The following OTOGL variants were observed in gnomAD, a reference collection of about 807,000 sequenced individuals.
OTOGL encodes the protein otogelin like.
OTOGL carries 285 observed loss-of-function variants against 318.5 expected under a neutral mutation model. The observed-to-expected ratio is 0.89, with a 90% confidence interval of 0.81 to 0.99. OTOGL has a LOEUF of 0.99. Among genes scored for constraint, OTOGL ranks in the 50% least tolerant of loss-of-function variants. The pLI, the probability that OTOGL is intolerant of heterozygous loss-of-function variation, is 0.00. For missense variants in OTOGL, 2,899 were observed against 2,845.6 expected, an observed-to-expected ratio of 1.02 and a Z score of -0.43; for synonymous variants, 987 against 936.5, an observed-to-expected ratio of 1.05 and a Z score of -0.99.
At chr12:80,300,610 C>T (rs1031474171) in intron 27 of OTOGL, among the ~76,000 whole-genome samples, 7 of 152,076 alleles carry the variant, frequency 4.6e-5, no homozygotes, top group African/African-American at 9.7e-5. Context: ...AGCAAGGAAC[C>T]GTCCTTGCTC....
intron 1 of OTOGL, among the ~76,000 whole-genome samples, chr12:80,134,734 C>T (rs1298768629): frequency 2.0e-5 from 3 of 152,182 alleles, no homozygotes; most frequent in Non-Finnish European, 4.4e-5. Flanking sequence ...ATCTTCACTG[C>T]TATCTGCCTT....
Position 80,280,664 on chromosome 12 carries a change from C to G in OTOGL, c.2928+1498C>G, listed in dbSNP as rs554642920. On this transcript the variant is annotated intron_variant, in intron 26 of 58. Transcript: ENST00000547103. ...TGTTCCATTGTGTCTGTTTTTGTGC[C>G]AGTACCATGCTGTTTTGGTTGTTGT... 3.3e-4 allele frequency among the ~76,000 whole-genome samples: 50 copies of G among 151,824 alleles called. 2 individuals are homozygous for G. The South Asian group carries it at 6.7e-3, about 20-fold the overall frequency.
intron 50 of OTOGL, 82 bp from the exon 51 acceptor site, chr12:80,358,589 A>G: frequency 9.2e-7 from 1 of 1,090,252 alleles, no homozygotes; most frequent in East Asian, 2.5e-5. Context: ...GCATTATTGT[A>G]ATGGCAGTGA....
intron 1 of OTOGL, among the ~76,000 whole-genome samples, chr12:80,149,638 T>C (rs1401701465): frequency 2.6e-5 from 4 of 152,180 alleles, no homozygotes; most frequent in Non-Finnish European, 5.9e-5. Flanking sequence ...TAAGCAAGCC[T>C]GGGCAATGGC....
At chr12:80,297,312 T>G (rs1885470531) in intron 27 of OTOGL, among the ~76,000 whole-genome samples, 1 of 149,190 alleles carries the variant, frequency 6.7e-6, no homozygotes, top group Non-Finnish European at 1.5e-5. Context: ...GCAGCATAGG[T>G]AGTTTTATTT....
intron 32 of OTOGL, among the ~76,000 whole-genome samples, chr12:80,317,032 T>C (rs1207958951): frequency 6.6e-6 from 1 of 152,196 alleles, no homozygotes; most frequent in African/African-American, 2.4e-5. Flanking sequence ...TTGCTGAGAT[T>C]ATTTCAATAA....
chr12:80,247,604 T>C (rs2137474307), intron 11 of OTOGL, among the ~76,000 whole-genome samples: 1 of 96,940 alleles, frequency 1.0e-5, no homozygotes, highest in South Asian at 3.9e-4. Flanking sequence ...AATTTTGGAA[T>C]AGGTGTGGTG....
chr12:80,324,146 T>C lies in OTOGL; in HGVS notation c.4199+306T>C, dbSNP rs11114402. Among the ~76,000 whole-genome samples the C allele has an allele frequency of 0.17, 26,044 of 152,182 alleles. 2,425 individuals carry two copies. The highest frequency in any genetic ancestry group is 0.22 in the South Asian group (1,038 of 4,820). On this transcript the variant is annotated intron_variant, in intron 35 of 58. Coordinates refer to ENST00000547103, the MANE Select transcript of OTOGL (RefSeq NM_001378609.3). ...AAATGTAAATATATAATGCAACATA[T>C]TGTTATGGCGGATATGTGTTACAGA...
At chr12:80,165,539 A>G (rs117997776) in intron 1 of OTOGL, among the ~76,000 whole-genome samples, 4,217 of 152,284 alleles carry the variant, frequency 0.028, 91 homozygotes, top group Non-Finnish European at 0.042. Flanking sequence ...TTTGCTTTTT[A>G]TCTCAGGCTG....
chr12:80,254,965 G>A (rs1881897485), intron 15 of OTOGL, 75 bp from the exon 16 acceptor site: 13 of 1,206,220 alleles, frequency 1.1e-5, no homozygotes, highest in Non-Finnish European at 1.4e-5. Context: ...TAACCTAATG[G>A]TATCATCCTC....
Position 80,342,082 on chromosome 12 carries a change from G to C in OTOGL, c.5185G>C (p.Val1729Leu), listed in dbSNP as rs190858685. The C allele has an allele frequency of 6.2e-7, 1 of 1,606,860 alleles. No individual in the cohort carries two copies. The highest frequency in any genetic ancestry group is 2.2e-5 in the East Asian group (1 of 44,688). Residue 1729 changes from valine to leucine, a missense_variant, in exon 44 of 59, where the codon GTT (valine) becomes CTT (leucine). By Grantham distance (32) the Val-to-Leu change is conservative (BLOSUM62 1). Coordinates refer to ENST00000547103, the MANE Select transcript of OTOGL (RefSeq NM_001378609.3). ...KSFEVTMRRP[V>L]RNCTEHDCSQ... is the part of the protein sequence containing the mutation. ...ATTTGAAGTAACAATGAGAAGACCT[G>C]TTAGGAATTGTACTGAGCATGATTG...
Position 80,259,681 on chromosome 12 carries a change from C to T in OTOGL, c.1889+1679C>T, listed in dbSNP as rs60084137. Among the ~76,000 whole-genome samples, 346 of 152,162 alleles carry T rather than the reference C, an allele frequency of 2.3e-3. 4 individuals carry two copies. The highest frequency in any genetic ancestry group is 8.0e-3 in the African/African-American group (331 of 41,532). On this transcript the variant is annotated intron_variant, in intron 18 of 58. Coordinates refer to ENST00000547103, the MANE Select transcript of OTOGL (RefSeq NM_001378609.3). Reference sequence around the variant, plus strand: ...GTTTGCTGAGGATGATGGTTTCCAGCTTCATCTACGTCCCTGCAAAAGACA... The same window carrying T: ...GTTTGCTGAGGATGATGGTTTCCAGTTTCATCTACGTCCCTGCAAAAGACA...
intron 3 of OTOGL, among the ~76,000 whole-genome samples, chr12:80,211,393 T>C (rs1422450320): frequency 1.3e-5 from 2 of 152,200 alleles, no homozygotes; most frequent in African/African-American, 4.8e-5. Flanking sequence ...TTTGATTTTT[T>C]AAAAATAAAA....
At chr12:80,341,363 G>C (rs953310395) in intron 43 of OTOGL, among the ~76,000 whole-genome samples, 5 of 152,112 alleles carry the variant, frequency 3.3e-5, no homozygotes, top group Admixed American at 1.3e-4. Context: ...GTGCCTAGGT[G>C]ACTGCTACAT....
intron 9 of OTOGL, 70 bp downstream of exon 9, chr12:80,233,167 AC>A: frequency 7.4e-7 from 1 of 1,358,526 alleles, no homozygotes; most frequent in Admixed American, 2.6e-5. Flanking sequence ...AGTTGTTTGT[AC>A]CCAGAAGACT....
At chr12:80,250,113 A>G (rs1327267705) in intron 11 of OTOGL, among the ~76,000 whole-genome samples, 1 of 152,004 alleles carries the variant, frequency 6.6e-6, no homozygotes, top group South Asian at 2.1e-4. Flanking sequence ...AAATGCAGAA[A>G]TCACCTGTCT....
chr12:80,296,484 A>G (rs1376760937), intron 26 of OTOGL, among the ~76,000 whole-genome samples: 10 of 152,196 alleles, frequency 6.6e-5, no homozygotes, highest in Admixed American at 2.0e-4. Context: ...TCTCAAATGA[A>G]TATTTTTTAA....
chr12:80,137,277 A>G (rs777229544), intron 1 of OTOGL, among the ~76,000 whole-genome samples: 1 of 152,156 alleles, frequency 6.6e-6, no homozygotes, highest in Non-Finnish European at 1.5e-5. Flanking sequence ...GAAAAAAACC[A>G]TGTCACTGAA....
rs1171656494 is a variant in OTOGL, at chr12:80,379,829, C to T, written c.*1781C>T. 1.3e-5 allele frequency: 2 copies of T among 151,906 alleles called. No individual in the cohort carries two copies. The highest frequency in any genetic ancestry group is 2.4e-5 in the African/African-American group (1 of 41,400). 9.4% of individuals were successfully genotyped at this position (151,906 alleles called of 1,614,324 possible). A position where few individuals can be genotyped will look rare whatever the true frequency, so the allele number is the denominator to read the frequency against. ...AATACAGCAAATAAGCATTTAGGGCCTACATGTGCCAGGCACTATTATAAA... is the reference window on the plus strand; with the variant it reads ...AATACAGCAAATAAGCATTTAGGGCTTACATGTGCCAGGCACTATTATAAA... On this transcript the variant is annotated 3_prime_UTR_variant, in exon 59 of 59. Coordinates refer to ENST00000547103, the MANE Select transcript of OTOGL (RefSeq NM_001378609.3).
Sources: gnomAD v4.1 joint callset for allele counts (sites outside exome capture counted in the v4.1 genomes callset) on GRCh38, gnomAD v4.1.1 for gene constraint, MANE v1.5 for transcripts, NCBI Gene and HGNC (gene_info 2026-07-23, HGNC 2026-07-21) for gene names.